PTPRD: variants seen among roughly 807,000 people sequenced by gnomAD.
PTPRD encodes the protein receptor-type tyrosine-protein phosphatase delta.
In PTPRD, 34 loss-of-function variants were observed where a neutral mutation model predicts 214.5. The ratio of observed to expected loss-of-function variants is 0.16; its 90% CI spans 0.12 to 0.21. The LOEUF (loss-of-function observed/expected upper bound fraction) is 0.21. Among genes scored for constraint, PTPRD ranks in the 10% least tolerant of loss-of-function variants. The probability of loss-of-function intolerance (pLI) is 1.00; values close to 1 mark genes in which losing one functional copy is unlikely to be tolerated. For synonymous variants in PTPRD, 1,128 were observed against 845.7 expected (o/e 1.33, Z -5.79); for missense variants, 2,545 against 2,398.7 (o/e 1.06, Z -1.27).
intron 12 of PTPRD, among the ~76,000 whole-genome samples, chr9:8,694,824 T>A (rs531614687): frequency 8.5e-4 from 130 of 152,342 alleles, no homozygotes; most frequent in African/African-American, 2.5e-3. Context: ...ATATGTACCT[T>A]CTTTGTTGTT....
intron 2 of PTPRD, among the ~76,000 whole-genome samples, chr9:10,493,538 C>A (rs1285606490): frequency 6.6e-6 from 1 of 152,050 alleles, no homozygotes; most frequent in Non-Finnish European, 1.5e-5. Flanking sequence ...GGAAAATTGG[C>A]TAGCCATATG....
At chr9:9,226,154 G>C (rs1057167411) in intron 9 of PTPRD, among the ~76,000 whole-genome samples, 1 of 151,676 alleles carries the variant, frequency 6.6e-6, no homozygotes, top group South Asian at 2.1e-4. Flanking sequence ...GGTAAAGTGG[G>C]GGAAGAATAG....
intron 9 of PTPRD, among the ~76,000 whole-genome samples, chr9:9,270,417 A>T (rs143408336): frequency 6.6e-6 from 1 of 151,446 alleles, no homozygotes; most frequent in East Asian, 2.0e-4. Flanking sequence ...GAGCAAGCCA[A>T]TGTTGGGAAA....
intron 2 of PTPRD, among the ~76,000 whole-genome samples, chr9:10,434,218 A>G (rs564978732): frequency 1.3e-5 from 2 of 151,930 alleles, no homozygotes; most frequent in East Asian, 1.9e-4. Flanking sequence ...TAAACTCCAT[A>G]TGCATCACTC....
intron 2 of PTPRD, among the ~76,000 whole-genome samples, chr9:10,347,635 T>A (rs1320574112): frequency 9.2e-5 from 14 of 152,088 alleles, no homozygotes; most frequent in African/African-American, 3.4e-4. Context: ...AGTCTCGAAT[T>A]CCCAACCTCA....
chr9:9,847,968 C>T (rs1465555085), intron 5 of PTPRD, among the ~76,000 whole-genome samples: 3 of 152,046 alleles, frequency 2.0e-5, no homozygotes, highest in East Asian at 1.9e-4. Context: ...TGCCAGAAAA[C>T]GAAAATCACA....
chr9:10,090,268 C>G (rs1345679700), intron 3 of PTPRD, among the ~76,000 whole-genome samples: 1 of 151,564 alleles, frequency 6.6e-6, no homozygotes, highest in Non-Finnish European at 1.5e-5. Flanking sequence ...AGTGTTTATT[C>G]ATTCTACTAT....
intron 9 of PTPRD, among the ~76,000 whole-genome samples, chr9:9,331,169 C>A (rs1480235591): frequency 1.3e-5 from 2 of 152,030 alleles, no homozygotes; most frequent in East Asian, 3.9e-4. Context: ...GCTTAACATG[C>A]GTTCTGTTCT....
At chr9:10,044,475 A>G (rs1405131496) in intron 3 of PTPRD, among the ~76,000 whole-genome samples, 1 of 151,822 alleles carries the variant, frequency 6.6e-6, no homozygotes, top group Non-Finnish European at 1.5e-5. Flanking sequence ...AAGAGAACAA[A>G]CAGAGGTGTT....
At chr9:9,706,815 ACAAAAG>A (rs1160603505) in intron 7 of PTPRD, among the ~76,000 whole-genome samples, 1 of 152,112 alleles carries the variant, frequency 6.6e-6, no homozygotes, top group Non-Finnish European at 1.5e-5. Context: ...ATGCAAAAGA[ACAAAAG>A]CCTGTTTGGG....
intron 14 of PTPRD, among the ~76,000 whole-genome samples, chr9:8,531,204 T>C (rs2075598711): frequency 1.3e-5 from 2 of 152,020 alleles, no homozygotes; most frequent in Non-Finnish European, 2.9e-5. Context: ...AAAATTGAAT[T>C]TCAAGATGAT....
At chr9:8,996,522 C>G (rs912364777) in intron 11 of PTPRD, among the ~76,000 whole-genome samples, 8 of 151,898 alleles carry the variant, frequency 5.3e-5, no homozygotes, top group African/African-American at 1.9e-4. Flanking sequence ...GGTGCCTTAC[C>G]CCATTTGGGC....
intron 11 of PTPRD, among the ~76,000 whole-genome samples, chr9:8,892,898 A>G (rs1016476254): frequency 2.6e-5 from 4 of 152,032 alleles, no homozygotes; most frequent in African/African-American, 4.8e-5. Context: ...GAGTATAGGC[A>G]TGAAGTCTAT....
chr9:8,536,049 G>A (rs1362437043), intron 14 of PTPRD, among the ~76,000 whole-genome samples: 2 of 151,538 alleles, frequency 1.3e-5, no homozygotes, highest in African/African-American at 4.9e-5. Context: ...AAATAAGGAT[G>A]GTATCATTAT....
At chr9:9,937,137 A>C (rs2089787694) in intron 5 of PTPRD, among the ~76,000 whole-genome samples, 2 of 152,140 alleles carry the variant, frequency 1.3e-5, no homozygotes, top group Non-Finnish European at 2.9e-5. Context: ...ATGATGAGTT[A>C]ATGGGTGCAG....
intron 3 of PTPRD, among the ~76,000 whole-genome samples, chr9:10,161,018 TA>T (rs1207341943): frequency 6.6e-6 from 1 of 151,684 alleles, no homozygotes; most frequent in Admixed American, 6.6e-5. Flanking sequence ...ACCAAAGATA[TA>T]AAAATCCTGT....
intron 14 of PTPRD, among the ~76,000 whole-genome samples, chr9:8,584,395 G>C (rs370499208): frequency 6.6e-6 from 1 of 151,328 alleles, no homozygotes; most frequent in Non-Finnish European, 1.5e-5. Context: ...GCCTCCCTTA[G>C]ATTGCCAATA....
intron 30 of PTPRD, among the ~76,000 whole-genome samples, chr9:8,482,361 T>C (rs2096905579): frequency 1.3e-5 from 2 of 152,054 alleles, no homozygotes; most frequent in Non-Finnish European, 2.9e-5. Context: ...CATCTTCCTT[T>C]AGAATCTTGT....
At chr9:8,801,956 G>C (rs991696294) in intron 11 of PTPRD, among the ~76,000 whole-genome samples, 8 of 152,092 alleles carry the variant, frequency 5.3e-5, no homozygotes, top group African/African-American at 1.7e-4. Context: ...TGTGAACTGA[G>C]ATAATTCCCA....
Sources: gnomAD v4.1 joint callset for allele counts (sites outside exome capture counted in the v4.1 genomes callset) on GRCh38, gnomAD v4.1.1 for gene constraint, MANE v1.5 for transcripts, NCBI Gene and HGNC (gene_info 2026-07-23, HGNC 2026-07-21) for gene names.